ZDHHC14: variants seen among roughly 807,000 people sequenced by gnomAD.
The protein encoded by ZDHHC14 is zDHHC palmitoyltransferase 14.
Under a neutral mutation model 47.7 loss-of-function variants are expected in ZDHHC14, and 16 were observed. That is an observed-to-expected ratio of 0.34 (90% CI 0.23 to 0.51). ZDHHC14 has a LOEUF of 0.51. Among genes scored for constraint, ZDHHC14 ranks in the 20% least tolerant of loss-of-function variants. ZDHHC14 has a pLI of 0.97. For missense variants in ZDHHC14, 515 were observed against 662.5 expected (o/e 0.78, Z 2.44); for synonymous variants, 293 against 278.9 (o/e 1.05, Z -0.50).
intron 3 of ZDHHC14, among the ~76,000 whole-genome samples, chr6:157,608,244 A>G (rs1389208233): frequency 6.6e-6 from 1 of 152,046 alleles, no homozygotes; most frequent in African/African-American, 2.4e-5. Flanking sequence ...CATTCACCCT[A>G]CTTCAGAAAT....
At chr6:157,383,027 A>G (rs1777244995) in intron 1 of ZDHHC14, among the ~76,000 whole-genome samples, 1 of 152,200 alleles carries the variant, frequency 6.6e-6, no homozygotes, top group East Asian at 1.9e-4. Context: ...AACAGTCTGG[A>G]CTTCAGGGAT....
At chr6:157,387,949 T>G (rs2114731933) in intron 1 of ZDHHC14, among the ~76,000 whole-genome samples, 1 of 152,364 alleles carries the variant, frequency 6.6e-6, no homozygotes, top group East Asian at 1.9e-4. Flanking sequence ...AGAACACATT[T>G]GCCTCAGAAA....
intron 5 of ZDHHC14, among the ~76,000 whole-genome samples, chr6:157,641,301 G>A (rs1380058550): frequency 6.6e-6 from 1 of 152,156 alleles, no homozygotes; most frequent in Non-Finnish European, 1.5e-5. Context: ...TTTAAATGTC[G>A]ATAGGGATGC....
chr6:157,553,720 G>C (rs183566901), intron 2 of ZDHHC14, among the ~76,000 whole-genome samples: 5 of 152,286 alleles, frequency 3.3e-5, no homozygotes, highest in African/African-American at 1.2e-4. Context: ...TTACATGTAA[G>C]GATGGGAGAT....
At chr6:157,483,599 A>G (rs1016823642) in intron 1 of ZDHHC14, among the ~76,000 whole-genome samples, 2 of 152,202 alleles carry the variant, frequency 1.3e-5, no homozygotes, top group Admixed American at 6.5e-5. Flanking sequence ...AAACCATTTC[A>G]TGATTATTAC....
intron 1 of ZDHHC14, among the ~76,000 whole-genome samples, chr6:157,409,963 G>A (rs542792410): frequency 1.3e-5 from 2 of 152,178 alleles, no homozygotes; most frequent in African/African-American, 4.8e-5. Flanking sequence ...CGAGTAGCTG[G>A]GACTACAGGC....
At chr6:157,526,439 C>T (rs1781152959) in intron 1 of ZDHHC14, among the ~76,000 whole-genome samples, 1 of 152,174 alleles carries the variant, frequency 6.6e-6, no homozygotes, top group African/African-American at 2.4e-5. Flanking sequence ...CCCAGATTAT[C>T]CTGGTATGGA....
intron 3 of ZDHHC14, among the ~76,000 whole-genome samples, chr6:157,599,152 A>C (rs543810475): frequency 6.6e-6 from 1 of 152,378 alleles, no homozygotes; most frequent in African/African-American, 2.4e-5. Flanking sequence ...CTACATTTTA[A>C]ACATGAGAAA....
At chr6:157,540,455 A>G (rs1582908575) in intron 1 of ZDHHC14, among the ~76,000 whole-genome samples, 1 of 152,216 alleles carries the variant, frequency 6.6e-6, no homozygotes, top group African/African-American at 2.4e-5. Context: ...TAAGCACACC[A>G]AAGCCTAAGA....
At chr6:157,662,044 A>C (rs1001213815) in intron 8 of ZDHHC14, among the ~76,000 whole-genome samples, 67 of 152,134 alleles carry the variant, frequency 4.4e-4, no homozygotes, top group African/African-American at 1.5e-3. Context: ...AACTTTGTGC[A>C]TGGAGTAATG....
intron 1 of ZDHHC14, among the ~76,000 whole-genome samples, chr6:157,494,961 T>C (rs753342899): frequency 4.6e-5 from 7 of 152,208 alleles, no homozygotes; most frequent in Non-Finnish European, 7.3e-5. Context: ...CTCCCATGGT[T>C]CCCTAGAAAT....
At chr6:157,671,045 G>A (rs956513263) in intron 8 of ZDHHC14, among the ~76,000 whole-genome samples, 3 of 152,204 alleles carry the variant, frequency 2.0e-5, no homozygotes, top group Admixed American at 6.5e-5. Context: ...GCTCTGCACC[G>A]CTCTGTGGCT....
At chr6:157,407,085 A>G (rs1777780385) in intron 1 of ZDHHC14, among the ~76,000 whole-genome samples, 1 of 152,238 alleles carries the variant, frequency 6.6e-6, no homozygotes, top group South Asian at 2.1e-4. Flanking sequence ...GGAATTTTAT[A>G]CGTCTCACTA....
intron 1 of ZDHHC14, among the ~76,000 whole-genome samples, chr6:157,505,919 C>CT (rs1780316075): frequency 6.6e-6 from 1 of 152,220 alleles, no homozygotes; most frequent in Non-Finnish European, 1.5e-5. Flanking sequence ...TGCTGAAACA[C>CT]TGAACAAATG....
chr6:157,476,017 T>C (rs1022475816), intron 1 of ZDHHC14, among the ~76,000 whole-genome samples: 1 of 151,246 alleles, frequency 6.6e-6, no homozygotes, highest in Non-Finnish European at 1.5e-5. Context: ...AGATCCCAAA[T>C]AAACAACTTA....
chr6:157,678,114 A>T lies in ZDHHC14; in HGVS notation c.*4992A>T, dbSNP rs1052264386. 9 of 152,222 alleles carry T rather than the reference A, an allele frequency of 5.9e-5. No individual in the cohort carries two copies. The highest frequency in any genetic ancestry group is 1.2e-4 in the Non-Finnish European group (8 of 68,040). The allele number at this position is 152,222 out of a possible 1,614,324, so 9.4% of individuals were successfully genotyped here. ...TCTTAAACCTGAGATGAATTAAAAA[A>T]TTTTTCTCCTTCAATAAAAACTGCT... On this transcript the variant is annotated 3_prime_UTR_variant, in exon 9 of 9. Transcript: ENST00000359775.
intron 3 of ZDHHC14, among the ~76,000 whole-genome samples, chr6:157,619,504 C>T (rs991442538): frequency 5.3e-5 from 8 of 152,210 alleles, no homozygotes; most frequent in Admixed American, 1.3e-4. Flanking sequence ...TAGTCAAGCT[C>T]CGTCATTTCA....
At chr6:157,483,259 C>T (rs1347350843) in intron 1 of ZDHHC14, among the ~76,000 whole-genome samples, 1 of 152,204 alleles carries the variant, frequency 6.6e-6, no homozygotes, top group Non-Finnish European at 1.5e-5. Flanking sequence ...TTAATCAACT[C>T]ATTCTTTAGA....
chr6:157,565,371 T>C (rs1391049043), intron 2 of ZDHHC14, among the ~76,000 whole-genome samples: 1 of 152,238 alleles, frequency 6.6e-6, no homozygotes, highest in Non-Finnish European at 1.5e-5. Context: ...GCTTGCCTAT[T>C]GTGTGCCTTC....
Sources: gnomAD v4.1 joint callset for allele counts (sites outside exome capture counted in the v4.1 genomes callset) on GRCh38, gnomAD v4.1.1 for gene constraint, MANE v1.5 for transcripts, NCBI Gene and HGNC (gene_info 2026-07-23, HGNC 2026-07-21) for gene names.